Variants in MAPK14 observed in about 807,000 individuals in gnomAD.
MAPK14 encodes mitogen-activated protein kinase 14.
MAPK14 carries 16 observed loss-of-function variants against 49.6 expected under a neutral mutation model. The observed-to-expected ratio is 0.32, with a 90% CI of 0.22 to 0.49. MAPK14 has a LOEUF of 0.49. Among genes scored for constraint, MAPK14 ranks in the 20% least tolerant of loss-of-function variants. The pLI, the probability that MAPK14 is intolerant of heterozygous loss-of-function variation, is 0.99. For synonymous variants in MAPK14, 142 were observed against 158.0 expected (o/e 0.90, Z 0.76); for missense variants, 200 against 441.2 (o/e 0.45, Z 4.90).
At chr6:36,092,671 C>T (rs138683589) in intron 8 of MAPK14, 4 of 354,666 alleles carry the variant, frequency 1.1e-5, no homozygotes, top group African/African-American at 8.6e-5. Context: ...TCTTTACAGC[C>T]CTCAGGAGAG....
At chr6:36,072,387 C>T (rs1286953169) in intron 3 of MAPK14, among the ~76,000 whole-genome samples, 1 of 151,922 alleles carries the variant, frequency 6.6e-6, no homozygotes, top group Non-Finnish European at 1.5e-5. Context: ...AGGTGCCCTT[C>T]CCCCCAAAAA....
At chr6:36,041,374 G>C (rs1373236611) in intron 1 of MAPK14, among the ~76,000 whole-genome samples, 2 of 150,762 alleles carry the variant, frequency 1.3e-5, no homozygotes, top group Non-Finnish European at 1.5e-5. Flanking sequence ...TTCTCTTTCT[G>C]TGCATATTCT....
At chr6:36,077,209 T>TTATA (rs1764567416) in intron 8 of MAPK14, among the ~76,000 whole-genome samples, 1 of 152,190 alleles carries the variant, frequency 6.6e-6, no homozygotes, top group African/African-American at 2.4e-5. Flanking sequence ...TTATGGTTTA[T>TTATA]TATAGCCCCT....
intron 11 of MAPK14, 23 bp from the exon 12 acceptor site, chr6:36,108,357 T>C (rs1407761543): frequency 6.3e-7 from 1 of 1,591,356 alleles, no homozygotes; most frequent in Non-Finnish European, 8.6e-7. Context: ...TCTCACATCT[T>C]ACTTTTCCTT....
intron 9 of MAPK14, among the ~76,000 whole-genome samples, chr6:36,099,047 G>A (rs933039687): frequency 6.6e-6 from 1 of 152,208 alleles, no homozygotes; most frequent in Non-Finnish European, 1.5e-5. Context: ...CCTGTGGCCA[G>A]CCTTAAACAG....
chr6:36,077,538 A>G (rs763191313), intron 8 of MAPK14, among the ~76,000 whole-genome samples: 17 of 152,094 alleles, frequency 1.1e-4, no homozygotes, highest in Non-Finnish European at 1.8e-4. Context: ...CAGAATGTCA[A>G]TTCACTTGCT....
At chr6:36,056,584 G>C (rs1763597625) in intron 2 of MAPK14, among the ~76,000 whole-genome samples, 1 of 152,146 alleles carries the variant, frequency 6.6e-6, no homozygotes, top group Non-Finnish European at 1.5e-5. Context: ...AATGTCTGTT[G>C]TGTTTTCAGT....
intron 8 of MAPK14, among the ~76,000 whole-genome samples, chr6:36,080,233 G>A (rs7748078): frequency 0.12 from 18,042 of 152,106 alleles, 1,188 homozygotes; most frequent in African/African-American, 0.18. Context: ...CACTGCACCC[G>A]GCCCCATTTT....
intron 6 of MAPK14, among the ~76,000 whole-genome samples, chr6:36,074,950 G>A (rs1007609216): frequency 6.6e-6 from 1 of 151,884 alleles, no homozygotes; most frequent in African/African-American, 2.4e-5. Flanking sequence ...TTTATGGCCA[G>A]GCGTGGTGGC....
chr6:36,104,693 GTTCT>G (rs1301762537), intron 10 of MAPK14, among the ~76,000 whole-genome samples: 2 of 152,092 alleles, frequency 1.3e-5, no homozygotes, highest in African/African-American at 4.8e-5. Context: ...AGCCCGTCGT[GTTCT>G]TTCTTGTCGT....
intron 8 of MAPK14, among the ~76,000 whole-genome samples, chr6:36,094,172 G>T (rs1390527658): frequency 1.3e-5 from 2 of 152,114 alleles, no homozygotes; most frequent in African/African-American, 4.8e-5. Flanking sequence ...ATAACACAAT[G>T]ATTTTTGCCA....
chr6:36,095,884 TTTG>T, intron 8 of MAPK14, 100 bp from the exon 9 acceptor site: 1 of 710,794 alleles, frequency 1.4e-6, no homozygotes, highest in South Asian at 1.8e-5. Context: ...GTGTTTCATT[TTTG>T]TTCTCGGTGT....
chr6:36,074,027 C>T (rs756405458), intron 5 of MAPK14, 22 bp from the exon 6 acceptor site: 2 of 1,588,812 alleles, frequency 1.3e-6, no homozygotes, highest in East Asian at 4.5e-5. Flanking sequence ...TTGATCCTGT[C>T]TTCCCTGTAT....
intron 2 of MAPK14, among the ~76,000 whole-genome samples, chr6:36,055,990 C>T (rs1260470722): frequency 1.3e-5 from 2 of 151,978 alleles, no homozygotes; most frequent in Non-Finnish European, 2.9e-5. Context: ...TTGTTATTTT[C>T]GGTGTGCTTA....
At chr6:36,076,830 A>C in intron 8 of MAPK14, 1 of 415,932 alleles carries the variant, frequency 2.4e-6, no homozygotes, top group Non-Finnish European at 4.3e-6. Context: ...AAGTTGAAAA[A>C]CCCATCAAGT....
At chr6:36,119,905 C>T in the MAPK14 span, among the ~76,000 whole-genome samples, 1 of 152,232 alleles carries the variant, frequency 6.6e-6, no homozygotes, top group African/African-American at 2.4e-5. Flanking sequence ...TATCTGGCAT[C>T]GTTTACAGAT....
In MAPK14 at chr6:36,036,302, A is replaced by C. The variant is rs530987502; in HGVS notation, c.116+8029A>C. Among the ~76,000 whole-genome samples, 3 of 152,046 alleles carry C rather than the reference A, an allele frequency of 2.0e-5. No individual in the cohort carries two copies. The South Asian group carries it at 6.2e-4, about 32-fold the overall frequency. ...ATAGATGAGAAATTGCTTCTCAGGA[A>C]TGAATAAATAAAGTAGTTTCTTGAG... On this transcript the variant is annotated intron_variant, in intron 1 of 11. Coordinates refer to ENST00000229794, the MANE Select transcript of MAPK14 (RefSeq NM_139012.3).
In MAPK14 at chr6:36,107,341, TG is replaced by T; in HGVS notation, c.842-112del. 1 of 627,322 alleles carries T rather than the reference TG, an allele frequency of 1.6e-6. No homozygotes were observed. Among genetic ancestry groups the T allele is most frequent in the South Asian group, 2.9e-5 (1 of 34,606 alleles). The allele number at this position is 627,322 out of a possible 1,614,324, so 38.9% of individuals were successfully genotyped here. On this transcript the variant is annotated intron_variant, in intron 10 of 11. Coordinates refer to ENST00000229794, the MANE Select transcript of MAPK14 (RefSeq NM_139012.3). The surrounding 1 kb of genome is among the most constrained non-coding windows in gnomAD (Gnocchi z 4.3). ...CTAATATATCCTAGAGTAGGTATTT[TG>T]GAGGAGAGTTCTTTGTTTGGATATG...
chr6:36,032,984 ATT>A (rs5875529), intron 1 of MAPK14, among the ~76,000 whole-genome samples: 2,380 of 147,192 alleles, frequency 0.016, 30 homozygotes, highest in African/African-American at 0.044. Flanking sequence ...TTTTAAATCT[ATT>A]TTTTTTTTTT....
Sources: allele counts gnomAD v4.1 joint callset (sites outside exome capture counted in the v4.1 genomes callset), GRCh38; gene constraint gnomAD v4.1.1; non-coding constraint Gnocchi (gnomAD v3.1); transcripts MANE v1.5; gene names NCBI Gene and HGNC (gene_info 2026-07-23, HGNC 2026-07-21).